Variants in FUT9 observed in about 807,000 individuals in gnomAD.
The protein encoded by FUT9 is 4-galactosyl-N-acetylglucosaminide 3-alpha-L-fucosyltransferase 9.
A neutral mutation model predicts 29.7 loss-of-function variants in FUT9; 15 were observed. The observed-to-expected ratio is 0.51, with a 90% CI of 0.34 to 0.78. The LOEUF is 0.78. FUT9 is among the 30% of genes least tolerant of loss of function. The pLI is 0.01. For missense variants in FUT9, 319 were observed against 425.4 expected, an observed-to-expected ratio of 0.75 and a Z score of 2.20; for synonymous variants, 169 against 153.7, an observed-to-expected ratio of 1.10 and a Z score of -0.74.
chr6:96,071,370 T>C (rs2127947513), intron 1 of FUT9, among the ~76,000 whole-genome samples: 1 of 152,322 alleles, frequency 6.6e-6, no homozygotes, highest in Middle Eastern at 3.4e-3. Context: ...TGGGAGGTAG[T>C]TATTATGGAG....
chr6:96,057,652 G>A (rs982870298), intron 1 of FUT9, among the ~76,000 whole-genome samples: 1 of 152,070 alleles, frequency 6.6e-6, no homozygotes, highest in Non-Finnish European at 1.5e-5. Flanking sequence ...CTGAATTAAG[G>A]AAATTCTGTG....
At chr6:96,025,638 T>C (rs1328103117) in intron 1 of FUT9, among the ~76,000 whole-genome samples, 3 of 151,606 alleles carry the variant, frequency 2.0e-5, no homozygotes, top group African/African-American at 7.3e-5. Flanking sequence ...GTACTATAAG[T>C]TTCAAGTGAT....
At chr6:96,090,373 C>A (rs1303589230) in intron 1 of FUT9, among the ~76,000 whole-genome samples, 1 of 151,594 alleles carries the variant, frequency 6.6e-6, no homozygotes, top group Non-Finnish European at 1.5e-5. Flanking sequence ...GAAAAAAATT[C>A]TTGATGTAGT....
chr6:96,210,174 G>A lies in FUT9; in HGVS notation c.*5939G>A, dbSNP rs776553803. 1 of 167,020 alleles carries A rather than the reference G, an allele frequency of 6.0e-6. No individual in the cohort carries two copies. Among genetic ancestry groups the A allele is most frequent in the Non-Finnish European group, 1.5e-5 (1 of 68,024 alleles). The allele number at this position is 167,020 out of a possible 1,614,324, so 10.3% of individuals were successfully genotyped here. A position where few individuals can be genotyped will look rare whatever the true frequency, so the allele number is the denominator to read the frequency against. ...TTCATCCCACCTGTTTAGATGGGTA[G>A]TATTCTATTAAATATGAGGTATTAC... On this transcript the variant is annotated 3_prime_UTR_variant, in exon 3 of 3. Coordinates refer to ENST00000302103, the MANE Select transcript of FUT9 (RefSeq NM_006581.4).
At chr6:96,085,606 A>C (rs550534485) in intron 1 of FUT9, among the ~76,000 whole-genome samples, 2 of 150,956 alleles carry the variant, frequency 1.3e-5, no homozygotes, top group South Asian at 4.3e-4. Context: ...CTAAATAAAC[A>C]AGCCAGGTTT....
intron 2 of FUT9, among the ~76,000 whole-genome samples, chr6:96,165,539 C>A (rs2127981472): frequency 6.6e-6 from 1 of 151,586 alleles, no homozygotes; most frequent in South Asian, 2.1e-4. Flanking sequence ...AAAAAAAGAC[C>A]CAACCCAATG....
At chr6:96,192,908 A>T (rs1773540921) in intron 2 of FUT9, among the ~76,000 whole-genome samples, 1 of 151,900 alleles carries the variant, frequency 6.6e-6, no homozygotes, top group Non-Finnish European at 1.5e-5. Flanking sequence ...GCATATCTAC[A>T]ACTATCTAAT....
At chr6:96,063,472 G>C (rs1770910743) in intron 1 of FUT9, among the ~76,000 whole-genome samples, 1 of 152,074 alleles carries the variant, frequency 6.6e-6, no homozygotes, top group Non-Finnish European at 1.5e-5. Context: ...CAGAGTGAAA[G>C]CTCGGTTATT....
intron 1 of FUT9, among the ~76,000 whole-genome samples, chr6:96,088,609 T>G (rs1235845380): frequency 6.6e-6 from 1 of 151,922 alleles, no homozygotes; most frequent in Non-Finnish European, 1.5e-5. Flanking sequence ...TTCTATTGTA[T>G]TATCATCAGT....
chr6:96,051,128 A>G (rs528627930), intron 1 of FUT9, among the ~76,000 whole-genome samples: 1 of 152,238 alleles, frequency 6.6e-6, no homozygotes, highest in Non-Finnish European at 1.5e-5. Context: ...AAATATTGCC[A>G]ATTCTCAGCT....
intron 2 of FUT9, among the ~76,000 whole-genome samples, chr6:96,116,500 G>T (rs1345340613): frequency 3.3e-5 from 5 of 152,132 alleles, no homozygotes; most frequent in Non-Finnish European, 7.4e-5. Flanking sequence ...CAGAAAATTT[G>T]ATTTCAATTG....
intron 2 of FUT9, among the ~76,000 whole-genome samples, chr6:96,116,261 A>T (rs1183412357): frequency 6.6e-6 from 1 of 152,186 alleles, no homozygotes; most frequent in Non-Finnish European, 1.5e-5. Flanking sequence ...AAATGAATTA[A>T]AAATCTAACA....
chr6:96,044,474 A>G (rs1250209901), intron 1 of FUT9, among the ~76,000 whole-genome samples: 6 of 152,216 alleles, frequency 3.9e-5, no homozygotes, highest in Non-Finnish European at 7.3e-5. Flanking sequence ...AAAACATACA[A>G]ATAAACAAAT....
chr6:96,123,078 A>C (rs1243901230), intron 2 of FUT9, among the ~76,000 whole-genome samples: 1 of 143,862 alleles, frequency 7.0e-6, no homozygotes, highest in African/African-American at 2.8e-5. Context: ...AAAAAAAAAA[A>C]AAAAAAAAAA....
intron 1 of FUT9, among the ~76,000 whole-genome samples, chr6:96,098,975 T>A (rs1304412080): frequency 2.6e-5 from 4 of 152,180 alleles, no homozygotes; most frequent in African/African-American, 4.8e-5. Context: ...AAATGTACCC[T>A]AATTTTCTTT....
chr6:96,055,540 TA>T lies in FUT9; in HGVS notation c.-98+39330del, dbSNP rs560659186. 1.3e-3 allele frequency among the ~76,000 whole-genome samples: 194 copies of T among 152,068 alleles called. 1 individual carries two copies. The highest frequency in any genetic ancestry group is 3.4e-3 in the African/African-American group (141 of 41,522). On this transcript the variant is annotated intron_variant, in intron 1 of 2. Coordinates refer to ENST00000302103, the MANE Select transcript of FUT9 (RefSeq NM_006581.4). Reference sequence around the variant, plus strand: ...ATCTTCTCTTTTTTTCCTTTTTTTTTAACTTTATTGTTCAAGGGTAAATGTG... The same window carrying T: ...ATCTTCTCTTTTTTTCCTTTTTTTTTACTTTATTGTTCAAGGGTAAATGTG...
intron 2 of FUT9, among the ~76,000 whole-genome samples, chr6:96,182,797 A>G (rs1434927827): frequency 6.6e-6 from 1 of 151,994 alleles, no homozygotes; most frequent in Non-Finnish European, 1.5e-5. Context: ...CCCTTGGTCT[A>G]TGTGCCTATT....
intron 2 of FUT9, among the ~76,000 whole-genome samples, chr6:96,201,924 A>G (rs1157691989): frequency 1.3e-5 from 2 of 151,646 alleles, no homozygotes; most frequent in Non-Finnish European, 2.9e-5. Context: ...TAGCAAAAGA[A>G]GGTGCTTTTT....
At position 96,203,729 on chromosome 6, in the gene FUT9, G is replaced by A; in HGVS notation, c.574G>A (p.Val192Ile). 6.2e-7 allele frequency: 1 copy of A among 1,614,030 alleles called. No individual in the cohort carries two copies. The highest frequency in any genetic ancestry group is 1.1e-5 in the South Asian group (1 of 91,078). ...VPSKEKLVCW[V>I]VSNWNPEHAR... ...AAGCAAAGAGAAATTGGTGTGCTGG[G>A]TTGTGAGTAACTGGAACCCTGAGCA... Residue 192 changes from valine (V) to isoleucine (I), a missense_variant, in exon 3 of 3, where the codon GTT (valine) becomes ATT (isoleucine). Physicochemically the swap from Val to Ile is conservative, Grantham distance 29. Transcript: ENST00000302103.
Sources: gnomAD v4.1 joint callset for allele counts (sites outside exome capture counted in the v4.1 genomes callset) on GRCh38, gnomAD v4.1.1 for gene constraint, MANE v1.5 for transcripts, NCBI Gene and HGNC (gene_info 2026-07-23, HGNC 2026-07-21) for gene names.